Variants in CXCL13 observed in about 807,000 individuals in gnomAD.
The protein encoded by CXCL13 is C-X-C motif chemokine ligand 13.
In CXCL13, 7 loss-of-function variants were observed where a neutral mutation model predicts 12.2. The ratio of observed to expected loss-of-function variants is 0.57; its 90% CI spans 0.33 to 1.07. The LOEUF (loss-of-function observed/expected upper bound fraction) is 1.07. Ranked by LOEUF, CXCL13 falls within the 50% of genes least tolerant of loss-of-function variation. The pLI is 0.04. For synonymous variants in CXCL13, 47 were observed against 42.4 expected (o/e 1.11, Z -0.42); for missense variants, 113 against 127.4 (o/e 0.89, Z 0.55).
chr4:77,563,389 T>C (rs1433507536), intron 1 of CXCL13, among the ~76,000 whole-genome samples: 1 of 152,226 alleles, frequency 6.6e-6, no homozygotes. Flanking sequence ...GCGAGATTAA[T>C]GTCCAATGTA....
At chr4:77,544,411 G>T (rs1171132082) in intron 1 of CXCL13, among the ~76,000 whole-genome samples, 1 of 152,276 alleles carries the variant, frequency 6.6e-6, no homozygotes, top group East Asian at 1.9e-4. Flanking sequence ...AGCACCTGCT[G>T]TTTCCTGACT....
intron 1 of CXCL13, among the ~76,000 whole-genome samples, chr4:77,563,094 C>T (rs896949692): frequency 4.6e-5 from 7 of 152,154 alleles, no homozygotes; most frequent in African/African-American, 1.7e-4. Flanking sequence ...TGTAGCTTCA[C>T]TCCTGAGGCC....
chr4:77,572,869 TGTG>T (rs1429042531), intron 1 of CXCL13, among the ~76,000 whole-genome samples: 1 of 151,736 alleles, frequency 6.6e-6, no homozygotes, highest in Non-Finnish European at 1.5e-5. Context: ...ATAAAGAAAA[TGTG>T]GTAAATATAC....
chr4:77,574,001 C>A (rs955108823), intron 1 of CXCL13, among the ~76,000 whole-genome samples: 8 of 151,878 alleles, frequency 5.3e-5, no homozygotes, highest in African/African-American at 1.9e-4. Flanking sequence ...AGAAAAATAT[C>A]TTTGAGGAAA....
chr4:77,562,272 G>A (rs919016109), intron 1 of CXCL13, among the ~76,000 whole-genome samples: 3 of 149,362 alleles, frequency 2.0e-5, no homozygotes, highest in Non-Finnish European at 3.0e-5. Flanking sequence ...GACGGGCAAC[G>A]CCCCCTGCTC....
intron 2 of CXCL13, 81 bp downstream of exon 2, chr4:77,607,916 C>A: frequency 1.5e-6 from 2 of 1,378,130 alleles, no homozygotes; most frequent in South Asian, 1.3e-5. Flanking sequence ...TAGTCTTACT[C>A]AAGAATGTCG....
intron 1 of CXCL13, among the ~76,000 whole-genome samples, chr4:77,521,447 G>A (rs1193006001): frequency 6.6e-6 from 1 of 152,140 alleles, no homozygotes; most frequent in Non-Finnish European, 1.5e-5. Flanking sequence ...AGTCTTGGGA[G>A]GGTGTATGTG....
In CXCL13 at chr4:77,611,600, G is replaced by A; in HGVS notation, c.*561G>A. The A allele has an allele frequency of 2.5e-6, 1 of 398,396 alleles. No individual in the cohort carries two copies. The highest frequency in any genetic ancestry group is 1.4e-4 in the South Asian group (1 of 7,370). 24.7% of individuals were successfully genotyped at this position (398,396 alleles called of 1,614,324 possible). A position where few individuals can be genotyped will look rare whatever the true frequency, so the allele number is the denominator to read the frequency against. Reference sequence around the variant, plus strand: ...TTTCTTTATAAAATTTACTGTCTAAGATTAATAGCATTCGAAGATCCCCAG... The same window carrying A: ...TTTCTTTATAAAATTTACTGTCTAAAATTAATAGCATTCGAAGATCCCCAG... On this transcript the variant is annotated 3_prime_UTR_variant, in exon 4 of 4. Coordinates refer to ENST00000682537, the MANE Select transcript of CXCL13 (RefSeq NM_001371558.1).
intron 1 of CXCL13, among the ~76,000 whole-genome samples, chr4:77,572,740 A>G (rs549840972): frequency 6.6e-6 from 1 of 152,094 alleles, no homozygotes; most frequent in African/African-American, 2.4e-5. Context: ...CTATGTGTAT[A>G]CCAAAGGGAA....
intron 1 of CXCL13, among the ~76,000 whole-genome samples, chr4:77,525,791 AC>A (rs1322158980): frequency 1.3e-5 from 2 of 152,154 alleles, no homozygotes; most frequent in Admixed American, 1.3e-4. Context: ...CTGCAAGCAC[AC>A]CTGGGGTTCT....
intron 1 of CXCL13, among the ~76,000 whole-genome samples, chr4:77,586,430 C>T (rs1013296121): frequency 1.1e-4 from 17 of 152,158 alleles, no homozygotes; most frequent in African/African-American, 3.4e-4. Flanking sequence ...CCGGTCCTAA[C>T]GTTTTTGAGC....
rs187677350 is a variant in CXCL13, at chr4:77,517,592, G to A, written c.-43+5804G>A. Among the ~76,000 whole-genome samples, 1,005 of 152,202 alleles carry A rather than the reference G, an allele frequency of 6.6e-3. 30 individuals are homozygous for A. Among genetic ancestry groups the A allele is most frequent in the Admixed American group, 0.06 (919 of 15,278 alleles). On this transcript the variant is annotated intron_variant, in intron 1 of 4. Coordinates refer to the CXCL13 transcript ENST00000286758. Reference sequence around the variant, plus strand: ...TTCTTTGTCTCTTTTGATCTTTGTTGGTTTAAAGTCTGTTTTACCAGAGAC... The same window carrying A: ...TTCTTTGTCTCTTTTGATCTTTGTTAGTTTAAAGTCTGTTTTACCAGAGAC...
At chr4:77,539,367 T>C (rs1490169424) in intron 1 of CXCL13, among the ~76,000 whole-genome samples, 1 of 152,236 alleles carries the variant, frequency 6.6e-6, no homozygotes, top group East Asian at 1.9e-4. Flanking sequence ...CCTCAAGTGA[T>C]CCGCCCATCT....
intron 1 of CXCL13, among the ~76,000 whole-genome samples, chr4:77,581,534 C>T (rs567208658): frequency 4.6e-5 from 7 of 152,266 alleles, no homozygotes; most frequent in Admixed American, 4.6e-4. Flanking sequence ...GACCTGAGTT[C>T]TTCCAGGAAC....
At chr4:77,542,889 AG>A (rs1725240372) in intron 1 of CXCL13, among the ~76,000 whole-genome samples, 1 of 152,130 alleles carries the variant, frequency 6.6e-6, no homozygotes, top group Admixed American at 6.6e-5. Flanking sequence ...AGAATTAGTT[AG>A]GAAGGAATCT....
intron 1 of CXCL13, among the ~76,000 whole-genome samples, chr4:77,599,068 C>A (rs970565272): frequency 1.3e-5 from 2 of 152,032 alleles, no homozygotes; most frequent in Non-Finnish European, 1.5e-5. Context: ...CTCAGCCTCC[C>A]AAAATGCAGA....
At chr4:77,568,068 A>G (rs1725979556) in intron 1 of CXCL13, among the ~76,000 whole-genome samples, 1 of 152,102 alleles carries the variant, frequency 6.6e-6, no homozygotes, top group Non-Finnish European at 1.5e-5. Context: ...CCCAGGCTGA[A>G]CCCCAATTCT....
chr4:77,520,726 G>T (rs1037342002), intron 1 of CXCL13, among the ~76,000 whole-genome samples: 6 of 152,072 alleles, frequency 3.9e-5, no homozygotes, highest in African/African-American at 1.2e-4. Flanking sequence ...TTGCCTGATT[G>T]TCCTGGCCAG....
intron 1 of CXCL13, among the ~76,000 whole-genome samples, chr4:77,539,301 A>G (rs1178124121): frequency 6.6e-6 from 1 of 152,082 alleles, no homozygotes; most frequent in African/African-American, 2.4e-5. Context: ...AATTTTTTGT[A>G]TTTTTAATAG....
Sources: gnomAD v4.1 joint callset for allele counts (sites outside exome capture counted in the v4.1 genomes callset) on GRCh38, gnomAD v4.1.1 for gene constraint, MANE v1.5 for transcripts, NCBI Gene and HGNC (gene_info 2026-07-23, HGNC 2026-07-21) for gene names.